The following RNF128 variants were observed in gnomAD, a reference collection of about 807,000 sequenced individuals.
RNF128 encodes ring finger protein 128.
Under a neutral mutation model 26.2 loss-of-function variants are expected in RNF128, and 13 were observed. That is an observed-to-expected ratio of 0.50 (90% confidence interval 0.32 to 0.79). RNF128 has a LOEUF of 0.79. Among genes scored for constraint, RNF128 ranks in the 30% least tolerant of loss-of-function variants. The pLI is 0.03. For missense variants in RNF128, 315 were observed against 349.7 expected (o/e 0.90, Z 0.79); for synonymous variants, 149 against 142.5 (o/e 1.05, Z -0.32).
chrX:106,697,275 G>A (rs1478822037), intron 1 of RNF128, among the ~76,000 whole-genome samples: 1 of 111,808 alleles, frequency 8.9e-6, no homozygotes, highest in Non-Finnish European at 1.9e-5. Context: ...AGAAATATTT[G>A]GTAGTTTTTG....
At chrX:106,706,837 T>C (rs1178393860) in intron 1 of RNF128, among the ~76,000 whole-genome samples, 1 of 112,242 alleles carries the variant, frequency 8.9e-6, no homozygotes, top group Non-Finnish European at 1.9e-5. Context: ...GTCTATTCTA[T>C]AGTAGACAGT....
At chrX:106,715,120 T>C (rs750877894) in intron 1 of RNF128, among the ~76,000 whole-genome samples, 102 of 111,809 alleles carry the variant, frequency 9.1e-4, no homozygotes, top group Admixed American at 2.2e-3. Context: ...TGCCAGACTG[T>C]TTTCCAGATT....
chrX:106,788,532 AT>A (rs1274763765), intron 4 of RNF128, among the ~76,000 whole-genome samples: 1 of 58,618 alleles, frequency 1.7e-5, no homozygotes, highest in Non-Finnish European at 2.8e-5. Context: ...TATAATATGT[AT>A]TATATATTAA....
exon 1 of RNF128, chrX:106,694,050 T>A (rs754775118): frequency 8.3e-7 from 1 of 1,202,683 alleles, no homozygotes; most frequent in East Asian, 3.0e-5. Flanking sequence ...TTGTAATTTT[T>A]ACCTTTTTAC....
At chrX:106,701,189 T>G (rs73247952) in intron 1 of RNF128, among the ~76,000 whole-genome samples, 1 of 111,796 alleles carries the variant, frequency 8.9e-6, no homozygotes, top group Non-Finnish European at 1.9e-5. Flanking sequence ...TCTTTTATTT[T>G]AATTCTACCT....
chrX:106,755,156 T>A (rs893273498), intron 1 of RNF128, among the ~76,000 whole-genome samples: 22 of 111,407 alleles, frequency 2.0e-4, no homozygotes, highest in African/African-American at 7.2e-4. Context: ...TGGAAAACGT[T>A]GAAGAAATGG....
intron 1 of RNF128, among the ~76,000 whole-genome samples, chrX:106,764,919 A>G (rs772209021): frequency 1.2e-4 from 13 of 111,606 alleles, no homozygotes; most frequent in Non-Finnish European, 2.4e-4. Context: ...TTTTAGTGCC[A>G]TAGCTAAAAA....
At chrX:106,702,513 C>T (rs1301170832) in intron 1 of RNF128, among the ~76,000 whole-genome samples, 1 of 111,186 alleles carries the variant, frequency 9.0e-6, no homozygotes, top group African/African-American at 3.3e-5. Flanking sequence ...TACTCTCTGT[C>T]GCTCTCATTT....
At chrX:106,749,809 G>A (rs751718996) in intron 1 of RNF128, among the ~76,000 whole-genome samples, 2 of 110,250 alleles carry the variant, frequency 1.8e-5, no homozygotes, top group South Asian at 3.9e-4. Flanking sequence ...GGAAGCTGAG[G>A]TGGGAGTATC....
intron 1 of RNF128, among the ~76,000 whole-genome samples, chrX:106,772,102 T>C (rs1472881814): frequency 1.8e-5 from 2 of 111,984 alleles, no homozygotes; most frequent in African/African-American, 6.5e-5. Flanking sequence ...GCATGAGCAA[T>C]CTGACATTCT....
intron 1 of RNF128, among the ~76,000 whole-genome samples, chrX:106,729,978 A>G (rs1929474269): frequency 8.9e-6 from 1 of 111,845 alleles, no homozygotes; most frequent in African/African-American, 3.2e-5. Context: ...GCTGTGAATT[A>G]CGAAGGGGCC....
At chrX:106,714,852 G>A (rs1316583225) in intron 1 of RNF128, among the ~76,000 whole-genome samples, 1 of 111,631 alleles carries the variant, frequency 9.0e-6, no homozygotes, top group Non-Finnish European at 1.9e-5. Flanking sequence ...ATTCTCGGGA[G>A]ATTCATCCAG....
intron 1 of RNF128, among the ~76,000 whole-genome samples, chrX:106,749,056 A>G (rs770241894): frequency 1.8e-5 from 2 of 111,929 alleles, no homozygotes; most frequent in East Asian, 2.8e-4. Context: ...CAGGCAAAAG[A>G]TGATATTTTA....
chrX:106,732,315 CT>C (rs1929514882), intron 1 of RNF128, among the ~76,000 whole-genome samples: 1 of 112,006 alleles, frequency 8.9e-6, no homozygotes, highest in Admixed American at 9.5e-5. Flanking sequence ...ATAGTACGTT[CT>C]GCATTTTGCT....
chrX:106,700,848 A>G (rs1255488096), intron 1 of RNF128, among the ~76,000 whole-genome samples: 1 of 112,167 alleles, frequency 8.9e-6, no homozygotes, highest in Non-Finnish European at 1.9e-5. Flanking sequence ...AACTGGAGTT[A>G]TGTTCATGTC....
At chrX:106,717,622 T>C (rs909174920) in intron 1 of RNF128, among the ~76,000 whole-genome samples, 3 of 112,304 alleles carry the variant, frequency 2.7e-5, no homozygotes, top group African/African-American at 9.7e-5. Context: ...TTCTAATGAA[T>C]AGAGCAGATG....
intron 2 of RNF128, among the ~76,000 whole-genome samples, chrX:106,777,992 A>G (rs1448165979): frequency 9.0e-6 from 1 of 111,623 alleles, no homozygotes; most frequent in Non-Finnish European, 1.9e-5. Flanking sequence ...TTTCTTCCTT[A>G]TGATTTTCTT....
At chrX:106,726,388 G>T (rs942495977), upstream of RNF128, among the ~76,000 whole-genome samples, 3 of 111,284 alleles carry the variant, frequency 2.7e-5, no homozygotes, top group African/African-American at 9.8e-5. Context: ...TCACATTCTG[G>T]CACCGTAAGC....
intron 4 of RNF128, among the ~76,000 whole-genome samples, chrX:106,789,376 T>C (rs932982907): frequency 1.7e-4 from 16 of 95,988 alleles, no homozygotes; most frequent in Non-Finnish European, 2.7e-4. Context: ...GTATATTATA[T>C]ATTTATGTAT....
Sources: gnomAD v4.1 joint callset for allele counts (sites outside exome capture counted in the v4.1 genomes callset) on GRCh38, gnomAD v4.1.1 for gene constraint, MANE v1.5 for transcripts, NCBI Gene and HGNC (gene_info 2026-07-23, HGNC 2026-07-21) for gene names.